CNBD1: variants seen among roughly 807,000 people sequenced by gnomAD.
CNBD1 encodes cyclic nucleotide binding domain containing 1.
CNBD1 carries 71 observed loss-of-function variants against 54.4 expected under a neutral mutation model. The ratio of observed to expected loss-of-function variants is 1.30; its 90% CI spans 1.08 to 1.59. The LOEUF (loss-of-function observed/expected upper bound fraction) is 1.59. Among genes scored for constraint, CNBD1 ranks in the 40% most tolerant of loss-of-function variants. The probability of loss-of-function intolerance (pLI) is 0.00; values close to 1 mark genes in which losing one functional copy is unlikely to be tolerated. For missense variants in CNBD1, 659 were observed against 518.0 expected (o/e 1.27, Z -2.64); for synonymous variants, 182 against 170.7 (o/e 1.07, Z -0.51).
chr8:87,260,017 A>G (rs1210830502), intron 6 of CNBD1, among the ~76,000 whole-genome samples: 1 of 152,224 alleles, frequency 6.6e-6, no homozygotes, highest in African/African-American at 2.4e-5. Context: ...ATACACAGAC[A>G]TTAAACCAGA....
intron 4 of CNBD1, among the ~76,000 whole-genome samples, chr8:86,948,799 C>T (rs943348607): frequency 7.9e-5 from 12 of 152,110 alleles, no homozygotes; most frequent in Non-Finnish European, 2.9e-5. Flanking sequence ...CTTTGGTTGC[C>T]TGTGCTTGCG....
chr8:87,406,093 TG>T (rs1394485995), intron 2 of CNBD1, among the ~76,000 whole-genome samples: 1 of 152,140 alleles, frequency 6.6e-6, no homozygotes, highest in African/African-American at 2.4e-5. Context: ...TTATATCATT[TG>T]AAATATGTAT....
In CNBD1 at chr8:87,347,332, A is replaced by G. The variant is rs34925675; in HGVS notation, c.1043-4353A>G. Among the ~76,000 whole-genome samples the G allele has an allele frequency of 6.2e-3, 938 of 152,278 alleles. 9 individuals carry two copies. The highest frequency in any genetic ancestry group is 9.8e-3 in the Non-Finnish European group (666 of 68,018). ...AAGAAAACCTTTGTTTAATGTTGAGATTCTTGAGAATATGCATTCTTCCAA... is the reference window on the plus strand; with the variant it reads ...AAGAAAACCTTTGTTTAATGTTGAGGTTCTTGAGAATATGCATTCTTCCAA... On this transcript the variant is annotated intron_variant, in intron 8 of 10. Transcript: ENST00000518476.
At chr8:87,304,003 A>T (rs943358900) in intron 8 of CNBD1, among the ~76,000 whole-genome samples, 4 of 152,188 alleles carry the variant, frequency 2.6e-5, no homozygotes, top group African/African-American at 9.7e-5. Flanking sequence ...GCTGGAGAGG[A>T]TATGGATAAA....
chr8:87,055,353 A>G lies in CNBD1; in HGVS notation c.431+115599A>G, dbSNP rs949392326. Among the ~76,000 whole-genome samples the G allele has an allele frequency of 2.6e-5, 4 of 152,132 alleles. No homozygotes were observed. In the South Asian group the frequency reaches 6.2e-4, roughly 24 times the overall value. On this transcript the variant is annotated intron_variant, in intron 4 of 10. Transcript: ENST00000518476. ...GCTGTCTGTACAACTCCCCCTATCT[A>G]TGCAACTGTGGGACATTCCTAGGTA...
intron 3 of CNBD1, among the ~76,000 whole-genome samples, chr8:86,922,531 A>T (rs1809291758): frequency 6.6e-6 from 1 of 152,138 alleles, no homozygotes; most frequent in Non-Finnish European, 1.5e-5. Context: ...TGACATAAAA[A>T]GGAAAGCCTG....
At chr8:87,095,810 A>C (rs1811306030) in intron 4 of CNBD1, among the ~76,000 whole-genome samples, 2 of 152,154 alleles carry the variant, frequency 1.3e-5, no homozygotes, top group Non-Finnish European at 2.9e-5. Context: ...GGTGCCCGCC[A>C]CCACACCTGG....
At chr8:87,039,985 C>G (rs1000837920) in intron 4 of CNBD1, among the ~76,000 whole-genome samples, 1 of 152,164 alleles carries the variant, frequency 6.6e-6, no homozygotes, top group African/African-American at 2.4e-5. Flanking sequence ...GTGGTGACAG[C>G]TGATCCATCA....
intron 4 of CNBD1, among the ~76,000 whole-genome samples, chr8:87,091,832 A>G (rs1811208255): frequency 6.6e-6 from 1 of 152,092 alleles, no homozygotes. Context: ...TTTTATGTAA[A>G]AGCACACACA....
At chr8:87,320,994 G>A (rs1304684178) in intron 8 of CNBD1, among the ~76,000 whole-genome samples, 1 of 152,048 alleles carries the variant, frequency 6.6e-6, no homozygotes, top group Non-Finnish European at 1.5e-5. Flanking sequence ...ATTTCACTTA[G>A]AATAATATTC....
chr8:87,025,394 T>G (rs1446894515), intron 4 of CNBD1, among the ~76,000 whole-genome samples: 1 of 152,196 alleles, frequency 6.6e-6, no homozygotes, highest in African/African-American at 2.4e-5. Context: ...CACACAACCT[T>G]TGTGAGCTAT....
chr8:87,165,876 A>C (rs1406699759), intron 4 of CNBD1, among the ~76,000 whole-genome samples: 1 of 151,954 alleles, frequency 6.6e-6, no homozygotes, highest in African/African-American at 2.4e-5. Context: ...ATTATAAACA[A>C]ATTTTTTGTC....
At chr8:87,070,964 A>C (rs909740637) in intron 4 of CNBD1, among the ~76,000 whole-genome samples, 3 of 152,054 alleles carry the variant, frequency 2.0e-5, no homozygotes, top group Non-Finnish European at 4.4e-5. Context: ...GGATAGGATA[A>C]TGTTTACTGT....
At chr8:87,003,501 C>T (rs942780984) in intron 4 of CNBD1, among the ~76,000 whole-genome samples, 2 of 152,142 alleles carry the variant, frequency 1.3e-5, no homozygotes, top group African/African-American at 2.4e-5. Context: ...TGGCATGTTA[C>T]TTAAATATTG....
intron 4 of CNBD1, among the ~76,000 whole-genome samples, chr8:87,038,908 C>T (rs1441597423): frequency 6.6e-6 from 1 of 152,178 alleles, no homozygotes; most frequent in Non-Finnish European, 1.5e-5. Context: ...CCATTGCCTT[C>T]AGTGATACCC....
chr8:87,246,356 T>G (rs995647045), intron 6 of CNBD1, among the ~76,000 whole-genome samples: 2 of 152,164 alleles, frequency 1.3e-5, no homozygotes, highest in East Asian at 1.9e-4. Context: ...CCAATAACTA[T>G]CAGAATTGTT....
At chr8:86,998,640 T>A (rs767188926) in intron 4 of CNBD1, among the ~76,000 whole-genome samples, 2 of 152,336 alleles carry the variant, frequency 1.3e-5, no homozygotes, top group South Asian at 4.1e-4. Context: ...GGTGAATTCA[T>A]GAATACAGAA....
intron 2 of CNBD1, among the ~76,000 whole-genome samples, chr8:87,388,636 G>A (rs929827944): frequency 8.6e-5 from 13 of 152,014 alleles, no homozygotes; most frequent in African/African-American, 2.7e-4. Flanking sequence ...AAAAGTCCAG[G>A]GCCAGATGAA....
At position 87,398,080 on chromosome 8, in the gene CNBD1, G is replaced by A. The variant is rs1279962405; in HGVS notation, c.214-30466G>A. Among the ~76,000 whole-genome samples, 8 of 151,324 alleles carry A rather than the reference G, an allele frequency of 5.3e-5. No individual in the cohort carries two copies. In the South Asian group the frequency reaches 6.2e-4, roughly 12 times the overall value. On this transcript the variant is annotated intron_variant, in intron 2 of 7. Coordinates refer to the CNBD1 transcript ENST00000521593. ...TTTATCAGTGAAAATGGACTAATAC[G>A]TCATCAATTTTCTCTAAGTTTTTAG...
Sources: gnomAD v4.1 joint callset for allele counts (sites outside exome capture counted in the v4.1 genomes callset) on GRCh38, gnomAD v4.1.1 for gene constraint, MANE v1.5 for transcripts, NCBI Gene and HGNC (gene_info 2026-07-23, HGNC 2026-07-21) for gene names.